Variants in YBEY observed in about 807,000 individuals in gnomAD.
YBEY encodes the protein ybeY metalloendoribonuclease.
A neutral mutation model predicts 13.5 loss-of-function variants in YBEY; 15 were observed. The observed-to-expected ratio is 1.11, with a 90% CI of 0.75 to 1.72. The LOEUF is 1.72. YBEY is among the 40% of genes most tolerant of loss of function. The probability of loss-of-function intolerance (pLI) is 0.00; values close to 1 mark genes in which losing one functional copy is unlikely to be tolerated. For synonymous variants in YBEY, 101 were observed against 83.1 expected (o/e 1.21, Z -1.17); for missense variants, 244 against 208.4 (o/e 1.17, Z -1.05).
chr21:46,302,354 G>A, downstream of YBEY: 2 of 1,058,320 alleles, frequency 1.9e-6, no homozygotes, highest in South Asian at 3.2e-5. Flanking sequence ...GGGGATGGGG[G>A]CTTCACAGCC....
the YBEY span, among the ~76,000 whole-genome samples, chr21:46,303,733 ATATATATATATATTTTTTT>A: frequency 0.011 from 364 of 32,218 alleles, 9 homozygotes; most frequent in African/African-American, 0.048. Context: ...ATATATATAT[ATATATATATATATTTTTTT>A]TTTTTTTTTT....
chr21:46,287,958 G>T (rs550582435), intron 2 of YBEY, among the ~76,000 whole-genome samples: 1 of 151,642 alleles, frequency 6.6e-6, no homozygotes, highest in Admixed American at 6.6e-5. Context: ...GTTGCAGTGA[G>T]CTGAGATCAC....
intron 3 of YBEY, 60 bp downstream of exon 3, chr21:46,291,522 G>C: frequency 1.2e-6 from 2 of 1,602,578 alleles, no homozygotes; most frequent in Non-Finnish European, 1.7e-6. Context: ...TTGCAAAGGG[G>C]TCAAGATCAC....
chr21:46,306,266 T>C, the YBEY span, among the ~76,000 whole-genome samples: 1 of 152,164 alleles, frequency 6.6e-6, no homozygotes, highest in Non-Finnish European at 1.5e-5. Flanking sequence ...CCCAGCACTT[T>C]GGGAGGCTGA....
At chr21:46,310,823 A>C in the YBEY span, among the ~76,000 whole-genome samples, 3 of 151,294 alleles carry the variant, frequency 2.0e-5, no homozygotes, top group Non-Finnish European at 4.4e-5. Flanking sequence ...CTCTCTCTAA[A>C]TAAATAAATA....
At chr21:46,302,314 A>G (rs945195287), downstream of YBEY, among the ~76,000 whole-genome samples, 1 of 152,268 alleles carries the variant, frequency 6.6e-6, no homozygotes, top group Middle Eastern at 3.4e-3. Flanking sequence ...AAATTGTGCA[A>G]CCCATTCCTC....
the YBEY span, among the ~76,000 whole-genome samples, chr21:46,306,350 T>G: frequency 2.0e-5 from 3 of 149,086 alleles, no homozygotes; most frequent in Admixed American, 1.3e-4. Context: ...AATACAAAAA[T>G]TAGCTGGGCA....
At chr21:46,301,970 G>T (rs768697079), downstream of YBEY, 191 of 1,489,238 alleles carry the variant, frequency 1.3e-4, no homozygotes, top group Admixed American at 2.6e-4. Flanking sequence ...GGTGGAGGGT[G>T]CCCCGGCCAG....
At chr21:46,311,451 C>T in the YBEY span, 5 of 1,534,364 alleles carry the variant, frequency 3.3e-6, no homozygotes, top group African/African-American at 5.4e-5. Flanking sequence ...ATATGGAACA[C>T]TTACCTTCCT....
downstream of YBEY, among the ~76,000 whole-genome samples, chr21:46,298,720 C>T (rs61569347): frequency 0.54 from 80,684 of 149,686 alleles, 22,493 homozygotes; most frequent in Non-Finnish European, 0.61. Context: ...TGAGCCACCA[C>T]GCCCGGCCTG....
chr21:46,302,588 A>G, downstream of YBEY: 1 of 1,602,670 alleles, frequency 6.2e-7, no homozygotes, highest in South Asian at 1.1e-5. Context: ...TGCAGGGAAG[A>G]AGCAGGGGGA....
At chr21:46,301,947 G>GA, downstream of YBEY, 1 of 1,458,936 alleles carries the variant, frequency 6.9e-7, no homozygotes, top group South Asian at 1.4e-5. Context: ...CCACAGCCCT[G>GA]AGGAAGCCTG....
At chr21:46,301,261 C>G (rs1210187266), downstream of YBEY, 1 of 270,492 alleles carries the variant, frequency 3.7e-6, no homozygotes, top group Non-Finnish European at 5.7e-6. Context: ...CCCACCTCAG[C>G]CCCCAGAGCT....
the YBEY span, among the ~76,000 whole-genome samples, chr21:46,303,700 AC>A: frequency 1.4e-4 from 15 of 105,566 alleles, no homozygotes; most frequent in Non-Finnish European, 2.3e-4. Flanking sequence ...ACACACACAC[AC>A]ACACAAAATA....
chr21:46,310,998 A>G, the YBEY span, among the ~76,000 whole-genome samples: 3 of 151,576 alleles, frequency 2.0e-5, no homozygotes, highest in African/African-American at 4.8e-5. Flanking sequence ...CAGCCTCCCA[A>G]GTAGCTGGGA....
the YBEY span, among the ~76,000 whole-genome samples, chr21:46,304,310 G>A: frequency 2.4e-4 from 37 of 152,064 alleles, no homozygotes; most frequent in Admixed American, 5.2e-4. Flanking sequence ...GATTACAGGC[G>A]TGAGCCACTG....
downstream of YBEY, among the ~76,000 whole-genome samples, chr21:46,298,434 C>CTTTTTTTTTT (rs557264546): frequency 1.5e-3 from 149 of 97,174 alleles, 32 homozygotes; most frequent in Non-Finnish European, 1.9e-3. Flanking sequence ...TTAATCCAAG[C>CTTTTTTTTTT]TTTTTTTTTT....
chr21:46,287,201 T>G, intron 2 of YBEY, 78 bp downstream of exon 2: 1 of 1,404,376 alleles, frequency 7.1e-7, no homozygotes, highest in South Asian at 1.4e-5. Context: ...TTGTTTTGTT[T>G]TGTTTTTTAA....
downstream of YBEY, chr21:46,300,753 G>C (rs963354093): frequency 1.6e-6 from 2 of 1,289,234 alleles, no homozygotes; most frequent in East Asian, 5.5e-5. Flanking sequence ...ACTGGGACAG[G>C]GTTCCTCCTT....
Sources: allele counts gnomAD v4.1 joint callset (sites outside exome capture counted in the v4.1 genomes callset), GRCh38; gene constraint gnomAD v4.1.1; transcripts MANE v1.5; gene names NCBI Gene and HGNC (gene_info 2026-07-23, HGNC 2026-07-21).